Variants in RBM47 observed in about 807,000 individuals in gnomAD.
RBM47 encodes the protein RNA-binding protein 47.
In RBM47, 21 loss-of-function variants were observed where a neutral mutation model predicts 47.1. That is an observed-to-expected ratio of 0.45 (90% CI 0.32 to 0.64). RBM47 has a LOEUF of 0.64. Ranked by LOEUF, RBM47 falls within the 30% of genes least tolerant of loss-of-function variation. The probability of loss-of-function intolerance (pLI) is 0.05; values close to 1 mark genes in which losing one functional copy is unlikely to be tolerated. For missense variants in RBM47, 708 were observed against 870.9 expected, an observed-to-expected ratio of 0.81 and a Z score of 2.35; for synonymous variants, 375 against 361.7, an observed-to-expected ratio of 1.04 and a Z score of -0.42.
At position 40,462,992 on chromosome 4, in the gene RBM47, G is replaced by A. The variant is rs531545925; in HGVS notation, c.-32+3585C>T. On this transcript the variant is annotated intron_variant, in intron 3 of 6. Transcript: ENST00000295971. ...TAACTTTTGTGCACCAAAGGACACT[G>A]TCAAGAGAGTGAAAAGGCAACCCAC... Among the ~76,000 whole-genome samples the A allele has an allele frequency of 1.7e-4, 26 of 152,280 alleles. No individual in the cohort carries two copies. The East Asian group carries it at 4.4e-3, about 26-fold the overall frequency.
At chr4:40,530,565 G>T (rs1264222066) in intron 2 of RBM47, among the ~76,000 whole-genome samples, 1 of 152,204 alleles carries the variant, frequency 6.6e-6, no homozygotes, top group Non-Finnish European at 1.5e-5. Context: ...CTCCCAAAGT[G>T]CTGGGATTAC....
chr4:40,523,528 G>A (rs1245588407), intron 2 of RBM47, among the ~76,000 whole-genome samples: 1 of 152,102 alleles, frequency 6.6e-6, no homozygotes, highest in African/African-American at 2.4e-5. Context: ...GCAGGCACCT[G>A]TAATCCTAGC....
chr4:40,585,876 A>G (rs1328872805), intron 1 of RBM47, among the ~76,000 whole-genome samples: 1 of 152,228 alleles, frequency 6.6e-6, no homozygotes, highest in African/African-American at 2.4e-5. Context: ...GAATGAGTGG[A>G]TGAATTAACA....
chr4:40,444,635 A>G lies in RBM47; in HGVS notation c.-31-5711T>C, dbSNP rs1229664683. Among the ~76,000 whole-genome samples the G allele has an allele frequency of 9.9e-5, 15 of 150,880 alleles. 2 individuals carry two copies. The highest frequency in any genetic ancestry group is 9.9e-4 in the Admixed American group (15 of 15,144). Reference sequence around the variant, plus strand: ...AATAGTTTTCCTATGCTGAATGATAACTTAATTTCAGGACTAATTTTTAAA... The same window carrying G: ...AATAGTTTTCCTATGCTGAATGATAGCTTAATTTCAGGACTAATTTTTAAA... On this transcript the variant is annotated intron_variant, in intron 3 of 6. Transcript: ENST00000295971.
chr4:40,535,118 G>T (rs1727811220), intron 2 of RBM47, among the ~76,000 whole-genome samples: 1 of 152,004 alleles, frequency 6.6e-6, no homozygotes, highest in African/African-American at 2.4e-5. Flanking sequence ...ATCAAATGAG[G>T]CTATACAAGT....
chr4:40,563,554 T>C (rs1730828891), intron 1 of RBM47, among the ~76,000 whole-genome samples: 2 of 152,142 alleles, frequency 1.3e-5, no homozygotes, highest in African/African-American at 2.4e-5. Context: ...GAGAGAAAGG[T>C]GACTTTCCCA....
intron 2 of RBM47, among the ~76,000 whole-genome samples, chr4:40,469,958 T>C (rs1199917326): frequency 6.6e-6 from 1 of 152,188 alleles, no homozygotes; most frequent in African/African-American, 2.4e-5. Flanking sequence ...TTGTTATGTT[T>C]GCCATAAAAA....
In RBM47 at chr4:40,447,683, C is replaced by T. The variant is rs1473837555; in HGVS notation, c.-31-8759G>A. 2.0e-5 allele frequency among the ~76,000 whole-genome samples: 3 copies of T among 152,138 alleles called. No homozygotes were observed. In the East Asian group the frequency reaches 5.8e-4, roughly 29 times the overall value. On this transcript the variant is annotated intron_variant, in intron 3 of 6. Coordinates refer to ENST00000295971, the MANE Select transcript of RBM47 (RefSeq NM_001098634.2). ...CACAAGGTCAGGAGTTCAAGACCAA[C>T]CTGGCCAAGATGGTAAAACCCCATC...
At chr4:40,582,363 G>T (rs765464322) in intron 1 of RBM47, among the ~76,000 whole-genome samples, 1 of 151,968 alleles carries the variant, frequency 6.6e-6, no homozygotes, top group Non-Finnish European at 1.5e-5. Context: ...GTAAAACCCC[G>T]ACTCTACCAA....
At chr4:40,557,959 TC>T (rs1730255684) in intron 1 of RBM47, among the ~76,000 whole-genome samples, 1 of 152,204 alleles carries the variant, frequency 6.6e-6, no homozygotes, top group South Asian at 2.1e-4. Flanking sequence ...ATTTTCTTAT[TC>T]TTTTTTAATG....
At chr4:40,439,941 G>A (rs1713368032) in intron 3 of RBM47, among the ~76,000 whole-genome samples, 1 of 152,172 alleles carries the variant, frequency 6.6e-6, no homozygotes, top group African/African-American at 2.4e-5. Context: ...CTGAGCACTT[G>A]GAATGGGGCT....
intron 2 of RBM47, among the ~76,000 whole-genome samples, chr4:40,483,143 A>AG (rs1426297042): frequency 6.6e-6 from 1 of 152,236 alleles, no homozygotes; most frequent in Non-Finnish European, 1.5e-5. Flanking sequence ...AAAATTAGCG[A>AG]GGAGTATAAG....
intron 2 of RBM47, among the ~76,000 whole-genome samples, chr4:40,481,586 C>T (rs1720435688): frequency 6.7e-6 from 1 of 149,378 alleles, no homozygotes; most frequent in South Asian, 2.1e-4. Flanking sequence ...GAGTCTCGCT[C>T]TGTTGCCCAG....
intron 3 of RBM47, among the ~76,000 whole-genome samples, chr4:40,464,624 G>T (rs182213394): frequency 3.6e-4 from 55 of 152,030 alleles, no homozygotes; most frequent in African/African-American, 1.3e-3. Flanking sequence ...AATCAGCCAG[G>T]CATGGTGGCT....
At chr4:40,570,421 C>T (rs976404235) in intron 1 of RBM47, among the ~76,000 whole-genome samples, 1 of 151,858 alleles carries the variant, frequency 6.6e-6, no homozygotes, top group East Asian at 1.9e-4. Flanking sequence ...CCTTTATGTG[C>T]AGTTCATAAT....
intron 1 of RBM47, among the ~76,000 whole-genome samples, chr4:40,545,525 G>A (rs1009133557): frequency 1.2e-4 from 18 of 149,978 alleles, no homozygotes; most frequent in Non-Finnish European, 1.5e-4. Context: ...TTAACCAGGC[G>A]TGGTGGTGGG....
intron 2 of RBM47, among the ~76,000 whole-genome samples, chr4:40,527,896 A>G (rs891217757): frequency 1.3e-5 from 2 of 152,174 alleles, no homozygotes; most frequent in Admixed American, 6.6e-5. Context: ...GACCTGCTTC[A>G]GTTAAATGAG....
intron 1 of RBM47, among the ~76,000 whole-genome samples, chr4:40,583,774 C>T (rs554544185): frequency 1.3e-5 from 2 of 150,426 alleles, no homozygotes; most frequent in African/African-American, 4.9e-5. Flanking sequence ...AGGAGAATGG[C>T]GTGAACCCGG....
intron 1 of RBM47, among the ~76,000 whole-genome samples, chr4:40,614,226 C>A (rs1361331023): frequency 6.6e-6 from 1 of 152,082 alleles, no homozygotes; most frequent in Non-Finnish European, 1.5e-5. Context: ...GCCAAGTAAC[C>A]ATCCCCCATC....
Sources: gnomAD v4.1 joint callset for allele counts (sites outside exome capture counted in the v4.1 genomes callset) on GRCh38, gnomAD v4.1.1 for gene constraint, MANE v1.5 for transcripts, NCBI Gene and HGNC (gene_info 2026-07-23, HGNC 2026-07-21) for gene names.